Variants in SETD2 observed in about 807,000 individuals in gnomAD.
The protein encoded by SETD2 is SET domain containing 2, histone lysine methyltransferase.
Under a neutral mutation model 242.1 loss-of-function variants are expected in SETD2, and 31 were observed. The ratio of observed to expected loss-of-function variants is 0.13; its 90% CI spans 0.10 to 0.17. SETD2 has a LOEUF of 0.17. SETD2 is among the 10% of genes least tolerant of loss of function. The pLI is 1.00. For synonymous variants in SETD2, 1,006 were observed against 1,066.5 expected (o/e 0.94, Z 1.11); for missense variants, 2,481 against 3,046.3 (o/e 0.81, Z 4.37).
chr3:47,070,344 T>C lies in SETD2; in HGVS notation c.6061-3226A>G, dbSNP rs183105463. On this transcript the variant is annotated intron_variant, in intron 12 of 20. Coordinates refer to ENST00000409792, the MANE Select transcript of SETD2 (RefSeq NM_014159.7). Reference sequence around the variant, plus strand: ...ACATGAGAAACAATTTCTATCAATATGTACCTAAGCACTTGGAGCTGCTAA... The same window carrying C: ...ACATGAGAAACAATTTCTATCAATACGTACCTAAGCACTTGGAGCTGCTAA... Among the ~76,000 whole-genome samples the C allele has an allele frequency of 1.4e-4, 22 of 152,332 alleles. 1 individual carries two copies. In the East Asian group the frequency reaches 3.5e-3, roughly 24 times the overall value.
chr3:47,042,892 C>T (rs1347983523), intron 16 of SETD2, among the ~76,000 whole-genome samples, 192 bp from the exon 17 acceptor site: 1 of 152,012 alleles, frequency 6.6e-6, no homozygotes, highest in Non-Finnish European at 1.5e-5. Context: ...AGAAAATTGA[C>T]AGTTGGCTCT....
intron 15 of SETD2, among the ~76,000 whole-genome samples, chr3:47,048,830 G>C (rs570686430): frequency 2.0e-5 from 3 of 152,010 alleles, no homozygotes; most frequent in African/African-American, 7.2e-5. Flanking sequence ...ACCACGCCTG[G>C]CTAATTTTTT....
chr3:47,118,840 T>C (rs182625311), intron 3 of SETD2, among the ~76,000 whole-genome samples: 106 of 152,244 alleles, frequency 7.0e-4, no homozygotes, highest in Middle Eastern at 3.4e-3. Flanking sequence ...TATATTCTTT[T>C]ACAAAGATCT....
intron 1 of SETD2, among the ~76,000 whole-genome samples, chr3:47,142,921 C>T (rs140209700): frequency 0.03 from 4,637 of 152,232 alleles, 230 homozygotes; most frequent in East Asian, 0.13. Flanking sequence ...TGCCCCACCT[C>T]AGCCTCCCAA....
At chr3:47,134,314 A>G (rs920660330) in intron 1 of SETD2, among the ~76,000 whole-genome samples, 2 of 152,208 alleles carry the variant, frequency 1.3e-5, no homozygotes, top group African/African-American at 4.8e-5. Flanking sequence ...ACATTTAAGC[A>G]CCTATGGCGT....
chr3:47,164,124 C>T (rs1476685999), upstream of SETD2, among the ~76,000 whole-genome samples: 2 of 152,142 alleles, frequency 1.3e-5, no homozygotes, highest in African/African-American at 2.4e-5. This position sits in a 1 kb window ranked among gnomAD's most constrained non-coding sequence, Gnocchi z 5.4. Context: ...CCCTCTCACC[C>T]TCACACCGGG....
In SETD2 at chr3:47,163,913, C is replaced by T; in HGVS notation, c.12G>A (p.Leu4=). 1 of 1,312,358 alleles carries T rather than the reference C, an allele frequency of 7.6e-7. No individual in the cohort carries two copies. The highest frequency in any genetic ancestry group is 9.7e-7 in the Non-Finnish European group (1 of 1,025,658). 81.3% of individuals were successfully genotyped at this position (1,312,358 alleles called of 1,614,324 possible). A position where few individuals can be genotyped will look rare whatever the true frequency, so the allele number is the denominator to read the frequency against. ...CCATCTTCGGAGGCGGCTGCGGCTGCAGCTGCTTCATCGGGAGCGGCTGGA... is the reference window on the plus strand; with the variant it reads ...CCATCTTCGGAGGCGGCTGCGGCTGTAGCTGCTTCATCGGGAGCGGCTGGA... The part of the protein sequence containing the change: MKQ[L]QPQPPPKMGD... Residue 4 remains leucine (L), a synonymous_variant, in exon 1 of 21, where the codon CTG becomes CTA. Coordinates refer to ENST00000409792, the MANE Select transcript of SETD2 (RefSeq NM_014159.7).
chr3:47,031,899 T>C (rs72913641), intron 18 of SETD2, among the ~76,000 whole-genome samples: 7,945 of 152,204 alleles, frequency 0.052, 653 homozygotes, highest in African/African-American at 0.18. Context: ...AACAATAATA[T>C]AATTTTTTGT....
chr3:47,082,671 A>C (rs1176477664), intron 12 of SETD2, among the ~76,000 whole-genome samples: 1 of 152,222 alleles, frequency 6.6e-6, no homozygotes, highest in Non-Finnish European at 1.5e-5. Context: ...TAACATGAGT[A>C]AGAGCTCAAA....
At chr3:47,131,943 A>C (rs2043487257) in intron 1 of SETD2, among the ~76,000 whole-genome samples, 1 of 151,168 alleles carries the variant, frequency 6.6e-6, no homozygotes, top group Admixed American at 6.6e-5. Context: ...GTGCCCAGCT[A>C]ATTTTTGTAT....
intron 17 of SETD2, among the ~76,000 whole-genome samples, chr3:47,039,452 A>C (rs528659842): frequency 6.6e-6 from 1 of 152,150 alleles, no homozygotes; most frequent in Admixed American, 6.5e-5. Context: ...TGACCTCATG[A>C]TCCGCCCACC....
intron 14 of SETD2, among the ~76,000 whole-genome samples, chr3:47,059,278 G>C (rs974565210): frequency 6.6e-6 from 1 of 150,880 alleles, no homozygotes; most frequent in African/African-American, 2.4e-5. Context: ...CACCATGCCT[G>C]GCTAATTTTT....
intron 12 of SETD2, among the ~76,000 whole-genome samples, chr3:47,083,294 C>T (rs2041394919): frequency 6.6e-6 from 1 of 152,168 alleles, no homozygotes; most frequent in Non-Finnish European, 1.5e-5. Context: ...TAAAAATTTA[C>T]ATTCAATCAT....
At chr3:47,162,636 A>G (rs1697523707) in intron 1 of SETD2, among the ~76,000 whole-genome samples, 1 of 152,236 alleles carries the variant, frequency 6.6e-6, no homozygotes, top group African/African-American at 2.4e-5. Context: ...AAGGGATTCA[A>G]AAACGAGCCA....
chr3:47,057,539 A>G, intron 14 of SETD2, 49 bp from the exon 15 acceptor site: 2 of 1,360,758 alleles, frequency 1.5e-6, no homozygotes, highest in South Asian at 2.4e-5. Context: ...AATCATAGAC[A>G]CAATCAAAGC....
chr3:47,129,878 CAAAAAAA>C (rs567103269), intron 1 of SETD2, among the ~76,000 whole-genome samples: 11 of 93,708 alleles, frequency 1.2e-4, no homozygotes, highest in Admixed American at 6.0e-4. Context: ...GACTCCGCCT[CAAAAAAA>C]AAAAAAAGAA....
At chr3:47,019,487 C>T (rs1418119394) in intron 19 of SETD2, among the ~76,000 whole-genome samples, 1 of 152,206 alleles carries the variant, frequency 6.6e-6, no homozygotes, top group Non-Finnish European at 1.5e-5. Flanking sequence ...CAGCCTACCA[C>T]TACAGACAGC....
At chr3:47,035,209 G>C (rs182015670) in intron 18 of SETD2, among the ~76,000 whole-genome samples, 1 of 152,282 alleles carries the variant, frequency 6.6e-6, no homozygotes, top group East Asian at 1.9e-4. Context: ...AGCAGGTCTG[G>C]GACAGGGAGT....
At position 47,108,786 on chromosome 3, in the gene SETD2, C is replaced by A. The variant is rs115640715; in HGVS notation, c.4716-2666G>T. Among the ~76,000 whole-genome samples, 792 of 152,242 alleles carry A rather than the reference C, an allele frequency of 5.2e-3. 8 individuals are homozygous for A. Among genetic ancestry groups the A allele is most frequent in the African/African-American group, 0.018 (759 of 41,552 alleles). ...GAAGAGTGGCTAGACCCTCCAGCTG[C>A]CTGACCTCCAAAAAACTAAATGAGG... On this transcript the variant is annotated intron_variant, in intron 5 of 20. Coordinates refer to ENST00000409792, the MANE Select transcript of SETD2 (RefSeq NM_014159.7).
Sources: allele counts gnomAD v4.1 joint callset (sites outside exome capture counted in the v4.1 genomes callset), GRCh38; gene constraint gnomAD v4.1.1; non-coding constraint Gnocchi (gnomAD v3.1); transcripts MANE v1.5; gene names NCBI Gene and HGNC (gene_info 2026-07-23, HGNC 2026-07-21).